The following FNDC3B variants were observed in gnomAD, a reference collection of about 807,000 sequenced individuals.
FNDC3B encodes fibronectin type III domain containing 3B.
Under a neutral mutation model 151.5 loss-of-function variants are expected in FNDC3B, and 12 were observed. The ratio of observed to expected loss-of-function variants is 0.08; its 90% CI spans 0.05 to 0.13. The LOEUF is 0.13. Among genes scored for constraint, FNDC3B ranks in the 10% least tolerant of loss-of-function variants. FNDC3B has a pLI of 1.00. For missense variants in FNDC3B, 1,214 were observed against 1,505.3 expected, an observed-to-expected ratio of 0.81 and a Z score of 3.20; for synonymous variants, 528 against 549.0, an observed-to-expected ratio of 0.96 and a Z score of 0.54.
At chr3:172,194,169 G>A (rs1049884244) in intron 3 of FNDC3B, among the ~76,000 whole-genome samples, 6 of 151,982 alleles carry the variant, frequency 3.9e-5, no homozygotes, top group Non-Finnish European at 7.4e-5. Context: ...GCAGTGAGCC[G>A]AGATCACGCC....
chr3:172,264,205 C>T (rs1461129179), intron 6 of FNDC3B, among the ~76,000 whole-genome samples: 1 of 152,076 alleles, frequency 6.6e-6, no homozygotes. Context: ...CTTTGTTGCC[C>T]AGGTGGTCTC....
intron 1 of FNDC3B, among the ~76,000 whole-genome samples, chr3:172,047,725 A>C (rs1716432233): frequency 6.6e-6 from 1 of 152,224 alleles, no homozygotes; most frequent in Non-Finnish European, 1.5e-5. Flanking sequence ...TGCAAAATAC[A>C]TCACAACAAT....
intron 4 of FNDC3B, among the ~76,000 whole-genome samples, chr3:172,227,757 T>C (rs1726664460): frequency 6.6e-6 from 1 of 152,218 alleles, no homozygotes; most frequent in Non-Finnish European, 1.5e-5. Flanking sequence ...CATTTTACTA[T>C]CCAGAGATGA....
At chr3:172,080,345 A>G (rs1463276713) in intron 1 of FNDC3B, among the ~76,000 whole-genome samples, 1 of 152,074 alleles carries the variant, frequency 6.6e-6, no homozygotes, top group Non-Finnish European at 1.5e-5. Flanking sequence ...ATACTAGCTC[A>G]CTGCAACCTT....
intron 3 of FNDC3B, among the ~76,000 whole-genome samples, chr3:172,163,473 T>G (rs899738785): frequency 1.3e-5 from 2 of 152,166 alleles, no homozygotes; most frequent in Non-Finnish European, 2.9e-5. Context: ...TTGTTTTTCT[T>G]TATAGTTTTA....
intron 25 of FNDC3B, among the ~76,000 whole-genome samples, chr3:172,395,245 CTT>C (rs1367496518): frequency 1.3e-5 from 2 of 151,972 alleles, no homozygotes; most frequent in Non-Finnish European, 2.9e-5. Context: ...CTATTTTTTT[CTT>C]TGTCTGTCCA....
intron 22 of FNDC3B, among the ~76,000 whole-genome samples, chr3:172,353,884 A>G (rs931305331): frequency 3.9e-5 from 6 of 152,174 alleles, no homozygotes; most frequent in African/African-American, 9.6e-5. Context: ...CCTTTTCCTT[A>G]TAAGATAGCT....
At chr3:172,146,146 TA>T (rs939841415) in intron 3 of FNDC3B, among the ~76,000 whole-genome samples, 1 of 151,686 alleles carries the variant, frequency 6.6e-6, no homozygotes, top group African/African-American at 2.4e-5. Context: ...ATAAAATATA[TA>T]AAAAAAAGCA....
chr3:172,212,591 G>A (rs4380442), intron 3 of FNDC3B, among the ~76,000 whole-genome samples: 135,718 of 152,224 alleles, frequency 0.89, 60,786 homozygotes, highest in African/African-American at 0.95. Flanking sequence ...GAAATTGTCA[G>A]CTAACACCTG....
intron 3 of FNDC3B, among the ~76,000 whole-genome samples, chr3:172,195,515 C>CA (rs1724775978): frequency 6.6e-6 from 1 of 152,234 alleles, no homozygotes; most frequent in African/African-American, 2.4e-5. Context: ...CTCCACAACA[C>CA]ACGTTAAGAA....
At chr3:172,386,153 C>G (rs1204088865) in intron 25 of FNDC3B, among the ~76,000 whole-genome samples, 1 of 152,162 alleles carries the variant, frequency 6.6e-6, no homozygotes, top group Non-Finnish European at 1.5e-5. Context: ...AAGCTTAAAA[C>G]TTCTTTTCAA....
At chr3:172,114,920 A>G (rs560162228) in intron 2 of FNDC3B, among the ~76,000 whole-genome samples, 4 of 152,332 alleles carry the variant, frequency 2.6e-5, no homozygotes, top group Non-Finnish European at 5.9e-5. Flanking sequence ...TAATTAGTAA[A>G]TATGTTTGTG....
At chr3:172,115,482 A>C (rs1235701680) in intron 2 of FNDC3B, among the ~76,000 whole-genome samples, 1 of 152,202 alleles carries the variant, frequency 6.6e-6, no homozygotes, top group Non-Finnish European at 1.5e-5. Flanking sequence ...GCCTGCCCTT[A>C]AGAGCCTGCG....
intron 3 of FNDC3B, among the ~76,000 whole-genome samples, chr3:172,178,710 T>G (rs1174089202): frequency 1.3e-5 from 2 of 152,182 alleles, no homozygotes; most frequent in African/African-American, 4.8e-5. Context: ...AGACCAAATA[T>G]ATGTGGAGGG....
rs1717980072 is a variant in FNDC3B at position 172,075,761 on chromosome 3, A to ACG, written c.-29+35991_-29+35992insGC. Among the ~76,000 whole-genome samples the ACG allele has an allele frequency of 6.1e-5, 9 of 146,912 alleles. No homozygotes were observed. The South Asian group carries it at 1.9e-3, about 32-fold the overall frequency. On this transcript the variant is annotated intron_variant, in intron 1 of 25. Transcript: ENST00000415807. ...CACACACACACACACACACACACAC[A>ACG]CACACAAACATTTATATACATATAA...
intron 2 of FNDC3B, among the ~76,000 whole-genome samples, chr3:172,127,700 T>G (rs565902026): frequency 3.2e-4 from 48 of 152,342 alleles, no homozygotes; most frequent in Admixed American, 5.2e-4. Flanking sequence ...TTTATTATTA[T>G]TTTGAGACAG....
At chr3:172,047,554 C>A (rs541929105) in intron 1 of FNDC3B, among the ~76,000 whole-genome samples, 1 of 152,274 alleles carries the variant, frequency 6.6e-6, no homozygotes, top group South Asian at 2.1e-4. Context: ...AGAATGCATT[C>A]ACTGATGCTG....
At chr3:172,334,894 A>G in intron 14 of FNDC3B, 50 bp from the exon 15 acceptor site, 3 of 1,555,496 alleles carry the variant, frequency 1.9e-6, no homozygotes, top group Non-Finnish European at 2.6e-6. Context: ...CATTAATTTA[A>G]TGATCCCTGA....
chr3:172,378,659 C>A (rs769472384), intron 24 of FNDC3B, among the ~76,000 whole-genome samples: 3 of 152,150 alleles, frequency 2.0e-5, no homozygotes, highest in Non-Finnish European at 2.9e-5. Context: ...GCATGTTTAT[C>A]AAAAATAATG....
Sources: gnomAD v4.1 joint callset for allele counts (sites outside exome capture counted in the v4.1 genomes callset) on GRCh38, gnomAD v4.1.1 for gene constraint, MANE v1.5 for transcripts, NCBI Gene and HGNC (gene_info 2026-07-23, HGNC 2026-07-21) for gene names.